Variants in CBL observed in about 807,000 individuals in gnomAD.
The protein encoded by CBL is Cbl proto-oncogene.
A neutral mutation model predicts 96.9 loss-of-function variants in CBL; 45 were observed. That is an observed-to-expected ratio of 0.46 (90% CI 0.37 to 0.60). The LOEUF is 0.60. Among genes scored for constraint, CBL ranks in the 20% least tolerant of loss-of-function variants. The pLI is 0.00. For synonymous variants in CBL, 420 were observed against 426.8 expected (o/e 0.98, Z 0.20); for missense variants, 1,024 against 1,143.5 (o/e 0.90, Z 1.51).
At chr11:119,292,285 A>G (rs936958778) in intron 12 of CBL, among the ~76,000 whole-genome samples, 8 of 151,882 alleles carry the variant, frequency 5.3e-5, no homozygotes, top group Admixed American at 4.6e-4. Context: ...TGAATATTGC[A>G]GTCCCTCTTT....
chr11:119,284,720 A>G (rs1262717898), intron 9 of CBL, among the ~76,000 whole-genome samples: 1 of 152,168 alleles, frequency 6.6e-6, no homozygotes, highest in South Asian at 2.1e-4. Context: ...TAGATAGATT[A>G]CCTGTAGCTT....
chr11:119,236,171 A>G (rs750910004), intron 2 of CBL, among the ~76,000 whole-genome samples: 15 of 151,888 alleles, frequency 9.9e-5, no homozygotes, highest in Admixed American at 5.2e-4. Context: ...ATTCCAGAAC[A>G]TTTTCACCCC....
At chr11:119,275,017 T>C in intron 5 of CBL, 64 bp downstream of exon 5, 1 of 1,561,392 alleles carries the variant, frequency 6.4e-7, no homozygotes, top group Non-Finnish European at 8.8e-7. Context: ...CTTCTGCTAG[T>C]ATAGAAGAAA....
Position 119,302,953 on chromosome 11 carries a change from A to G in CBL, c.*3172A>G. On this transcript the variant is annotated 3_prime_UTR_variant, in exon 16 of 16. Transcript: ENST00000264033. ...TACAGACCCTCATTACTGGGGCCCA[A>G]GATGTGGGATACTACTGTTAGTATT... The G allele has an allele frequency of 4.4e-6, 1 of 229,192 alleles. No individual in the cohort carries two copies. Among genetic ancestry groups the G allele is most frequent in the East Asian group, 6.2e-5 (1 of 16,056 alleles). The allele number at this position is 229,192 out of a possible 1,614,324, so 14.2% of individuals were successfully genotyped here. A position where few individuals can be genotyped will look rare whatever the true frequency, so the allele number is the denominator to read the frequency against.
At chr11:119,272,904 A>T (rs1484236857) in intron 3 of CBL, among the ~76,000 whole-genome samples, 1 of 151,714 alleles carries the variant, frequency 6.6e-6, no homozygotes, top group Non-Finnish European at 1.5e-5. Context: ...GTCTCTCTAT[A>T]TATTATATAG....
intron 2 of CBL, among the ~76,000 whole-genome samples, chr11:119,235,294 T>C (rs188262165): frequency 6.6e-6 from 1 of 152,034 alleles, no homozygotes. Context: ...TTTGTATTTT[T>C]AGTAGTGACA....
intron 2 of CBL, among the ~76,000 whole-genome samples, chr11:119,242,741 T>TA (rs34339877): frequency 0.31 from 36,991 of 117,776 alleles, 6,145 homozygotes; most frequent in African/African-American, 0.47. Flanking sequence ...CCTGACTCTT[T>TA]AAAAAAAAAA....
chr11:119,233,047 T>C (rs1949516376), intron 2 of CBL, among the ~76,000 whole-genome samples: 1 of 152,162 alleles, frequency 6.6e-6, no homozygotes, highest in South Asian at 2.1e-4. Context: ...GAGGCCGATC[T>C]TGCCAAAAGC....
intron 1 of CBL, among the ~76,000 whole-genome samples, chr11:119,232,088 A>AAAAT (rs529300906): frequency 2.7e-3 from 415 of 152,288 alleles, no homozygotes; most frequent in Non-Finnish European, 4.8e-3. Context: ...GAGACCCTAA[A>AAAAT]AAATAAATAA....
intron 1 of CBL, among the ~76,000 whole-genome samples, chr11:119,221,665 G>A (rs1158688485): frequency 1.3e-5 from 2 of 151,876 alleles, no homozygotes; most frequent in African/African-American, 4.8e-5. Flanking sequence ...TTACTTGGGA[G>A]GCTGAGGCAG....
chr11:119,271,897 A>G lies in CBL; in HGVS notation c.590+16A>G. 6.2e-7 allele frequency: 1 copy of G among 1,612,876 alleles called. No homozygotes were observed. Among genetic ancestry groups the G allele is most frequent in the African/African-American group, 1.3e-5 (1 of 75,018 alleles). ...TTGGGGAAAAGTAAGTCTCAGAATAATGAATTTGAACTATGAAAAACTAAA... is the reference window on the plus strand; with the variant it reads ...TTGGGGAAAAGTAAGTCTCAGAATAGTGAATTTGAACTATGAAAAACTAAA... On this transcript the variant is annotated intron_variant, in intron 3 of 15. Coordinates refer to ENST00000264033, the MANE Select transcript of CBL (RefSeq NM_005188.4).
intron 9 of CBL, among the ~76,000 whole-genome samples, chr11:119,279,170 C>T (rs980999847): frequency 6.6e-6 from 1 of 151,540 alleles, no homozygotes. Context: ...AAGTTCTGTT[C>T]CCTTTTTTTT....
At chr11:119,216,758 G>T (rs747373368) in intron 1 of CBL, among the ~76,000 whole-genome samples, 1 of 152,072 alleles carries the variant, frequency 6.6e-6, no homozygotes, top group Non-Finnish European at 1.5e-5. Context: ...GATACAGAAC[G>T]AAATGTAGAA....
intron 14 of CBL, 139 bp from the exon 15 acceptor site, chr11:119,298,219 T>C (rs1950076675): frequency 5.1e-6 from 4 of 781,462 alleles, no homozygotes; most frequent in Admixed American, 2.0e-5. Flanking sequence ...ACATGGTGTT[T>C]GGCCCACAGT....
At chr11:119,287,332 TGGAA>T (rs1949991622) in intron 11 of CBL, among the ~76,000 whole-genome samples, 2 of 152,206 alleles carry the variant, frequency 1.3e-5, no homozygotes, top group African/African-American at 4.8e-5. Context: ...GAGCAGTTGA[TGGAA>T]GCATCAGCAA....
At chr11:119,219,590 A>T (rs1949391684) in intron 1 of CBL, among the ~76,000 whole-genome samples, 1 of 151,988 alleles carries the variant, frequency 6.6e-6, no homozygotes, top group Admixed American at 6.6e-5. Context: ...GCATCCCCCT[A>T]AGATAAAGGG....
chr11:119,302,616 G>A lies in CBL; in HGVS notation c.*2835G>A, dbSNP rs1950109192. The A allele has an allele frequency of 1.3e-5, 3 of 231,346 alleles. No homozygotes were observed. Among genetic ancestry groups the A allele is most frequent in the Non-Finnish European group, 2.6e-5 (3 of 117,004 alleles). The allele number at this position is 231,346 out of a possible 1,614,324, so 14.3% of individuals were successfully genotyped here. A position where few individuals can be genotyped will look rare whatever the true frequency, so the allele number is the denominator to read the frequency against. The stretch of plus-strand genomic sequence containing the variant: ...TTCAGCCAGTCTCATGCTTTCCCTG[G>A]GTCTTCACGGATTGCTTTCCAAGCT... On this transcript the variant is annotated 3_prime_UTR_variant, in exon 16 of 16. Transcript: ENST00000264033.
chr11:119,298,570 C>G (rs755611868), intron 15 of CBL, 30 bp downstream of exon 15: 1 of 1,595,764 alleles, frequency 6.3e-7, no homozygotes, highest in South Asian at 1.1e-5. Context: ...TGGGTTTGTC[C>G]TGAATGGCAG....
chr11:119,252,172 T>C (rs781485444), intron 2 of CBL, among the ~76,000 whole-genome samples: 16 of 152,126 alleles, frequency 1.1e-4, no homozygotes, highest in Non-Finnish European at 2.2e-4. Context: ...ACATTTTTCT[T>C]TTCTCTCTTT....
Sources: gnomAD v4.1 joint callset for allele counts (sites outside exome capture counted in the v4.1 genomes callset) on GRCh38, gnomAD v4.1.1 for gene constraint, MANE v1.5 for transcripts, NCBI Gene and HGNC (gene_info 2026-07-23, HGNC 2026-07-21) for gene names.